Variants in CCDC60 observed in about 807,000 individuals in gnomAD.
CCDC60 encodes coiled-coil domain-containing protein 60.
CCDC60 carries 54 observed loss-of-function variants against 63.5 expected under a neutral mutation model. That is an observed-to-expected ratio of 0.85 (90% CI 0.68 to 1.07). CCDC60 has a LOEUF of 1.07. Ranked by LOEUF, CCDC60 falls within the 50% of genes least tolerant of loss-of-function variation. The pLI, the probability that CCDC60 is intolerant of heterozygous loss-of-function variation, is 0.00. For missense variants in CCDC60, 651 were observed against 684.3 expected (o/e 0.95, Z 0.54); for synonymous variants, 206 against 238.8 (o/e 0.86, Z 1.27).
At chr12:119,364,267 T>G (rs1362928340) in intron 1 of CCDC60, among the ~76,000 whole-genome samples, 1 of 152,114 alleles carries the variant, frequency 6.6e-6, no homozygotes, top group African/African-American at 2.4e-5. Flanking sequence ...AAGTCTACAG[T>G]TCAATGAGAT....
intron 1 of CCDC60, among the ~76,000 whole-genome samples, chr12:119,365,864 A>G (rs1955835372): frequency 6.6e-6 from 1 of 152,186 alleles, no homozygotes; most frequent in South Asian, 2.1e-4. Context: ...CAGCCTATGG[A>G]GATCAGGACA....
intron 11 of CCDC60, chr12:119,524,495 C>T: frequency 2.1e-6 from 2 of 964,946 alleles, no homozygotes; most frequent in South Asian, 9.6e-5. Flanking sequence ...CACTAATGGG[C>T]TGAATGCTCT....
rs1281628767 is a variant in CCDC60, at chr12:119,407,141, G to A, written c.91-21542G>A. ...GGCATGAATGTCCCATCCAGGTGGGGTGTGTGTACGTAAATGGAGCATAAC... is the reference window on the plus strand; with the variant it reads ...GGCATGAATGTCCCATCCAGGTGGGATGTGTGTACGTAAATGGAGCATAAC... On this transcript the variant is annotated intron_variant, in intron 1 of 13. Coordinates refer to ENST00000327554, the MANE Select transcript of CCDC60 (RefSeq NM_178499.5). 3.3e-5 allele frequency among the ~76,000 whole-genome samples: 5 copies of A among 152,118 alleles called. No homozygotes were observed. In the East Asian group the frequency reaches 9.6e-4, roughly 29 times the overall value.
chr12:119,525,984 T>C (rs1197852739), intron 11 of CCDC60, among the ~76,000 whole-genome samples: 1 of 152,014 alleles, frequency 6.6e-6, no homozygotes, highest in African/African-American at 2.4e-5. Flanking sequence ...AGAACAAAAC[T>C]GGAGGAATCA....
chr12:119,526,045 T>G (rs777964932), intron 11 of CCDC60, among the ~76,000 whole-genome samples: 4 of 152,152 alleles, frequency 2.6e-5, no homozygotes, highest in Non-Finnish European at 5.9e-5. Flanking sequence ...CAAAACAGCA[T>G]GATACTGGTA....
At chr12:119,432,936 T>C (rs1950256547) in intron 2 of CCDC60, among the ~76,000 whole-genome samples, 1 of 152,230 alleles carries the variant, frequency 6.6e-6, no homozygotes, top group Non-Finnish European at 1.5e-5. Context: ...TTTATACAGT[T>C]TGCTAATCTC....
chr12:119,454,846 G>A (rs535544653), intron 2 of CCDC60, among the ~76,000 whole-genome samples: 11 of 152,230 alleles, frequency 7.2e-5, no homozygotes, highest in Admixed American at 5.2e-4. Flanking sequence ...CAGCTTCCTG[G>A]TCATCCAGTA....
intron 1 of CCDC60, among the ~76,000 whole-genome samples, chr12:119,411,360 C>A (rs1956596719): frequency 6.6e-6 from 1 of 151,990 alleles, no homozygotes; most frequent in South Asian, 2.1e-4. Context: ...TTATGGCTTG[C>A]TTTGGGAGAG....
chr12:119,403,824 T>C (rs1190813590), intron 1 of CCDC60, among the ~76,000 whole-genome samples: 1 of 152,162 alleles, frequency 6.6e-6, no homozygotes, highest in African/African-American at 2.4e-5. Flanking sequence ...CTCCTTCCTC[T>C]TCTTTTATTT....
At position 119,500,083 on chromosome 12, in the gene CCDC60, C is replaced by A. The variant is rs369442968; in HGVS notation, c.563C>A (p.Pro188Gln). 1.2e-5 allele frequency: 20 copies of A among 1,610,546 alleles called. No homozygotes were observed. Among genetic ancestry groups the A allele is most frequent in the Non-Finnish European group, 1.7e-5 (20 of 1,177,254 alleles). ...PVITCWNPKD[P>Q]GGSKSTIKKI... ...TTAAGCTGTTTCTCACTCAGGGACC[C>A]GGGTGGAAGCAAGAGCACCATTAAA... Residue 188 changes from proline (P) to glutamine (Q), a missense_variant, in exon 6 of 14, where the codon CCG (proline) becomes CAG (glutamine). Pro to Gln is a moderately conservative substitution (Grantham distance 76, BLOSUM62 -1). Transcript: ENST00000327554.
At chr12:119,398,229 G>A (rs542212414) in intron 1 of CCDC60, among the ~76,000 whole-genome samples, 61 of 151,782 alleles carry the variant, frequency 4.0e-4, no homozygotes, top group African/African-American at 7.5e-4. Flanking sequence ...AGTGCGGTGC[G>A]GGCAGGCCGG....
chr12:119,536,173 C>A (rs1953000353), intron 13 of CCDC60, among the ~76,000 whole-genome samples: 1 of 152,184 alleles, frequency 6.6e-6, no homozygotes, highest in Admixed American at 6.5e-5. Flanking sequence ...TATGTAATGG[C>A]CTTCTTTGTC....
At chr12:119,477,295 G>C (rs1951196504) in intron 3 of CCDC60, among the ~76,000 whole-genome samples, 1 of 152,178 alleles carries the variant, frequency 6.6e-6, no homozygotes, top group South Asian at 2.1e-4. Flanking sequence ...AATGAACATA[G>C]ACCTACCTCT....
At chr12:119,480,741 C>CA (rs1951289482) in intron 4 of CCDC60, among the ~76,000 whole-genome samples, 1 of 150,846 alleles carries the variant, frequency 6.6e-6, no homozygotes, top group African/African-American at 2.4e-5. Context: ...CCATCATCAT[C>CA]ACCATCATCC....
intron 2 of CCDC60, among the ~76,000 whole-genome samples, chr12:119,441,576 C>T (rs767131766): frequency 1.3e-5 from 2 of 152,214 alleles, no homozygotes; most frequent in Non-Finnish European, 2.9e-5. Context: ...AAGAAAATCA[C>T]TCTCCTGACT....
intron 1 of CCDC60, among the ~76,000 whole-genome samples, chr12:119,355,447 C>A (rs1395595999): frequency 6.6e-6 from 1 of 152,240 alleles, no homozygotes; most frequent in Non-Finnish European, 1.5e-5. Flanking sequence ...GCAGCAGATT[C>A]ATCAGAGCAG....
At chr12:119,426,430 A>G (rs1956903016) in intron 1 of CCDC60, among the ~76,000 whole-genome samples, 1 of 151,902 alleles carries the variant, frequency 6.6e-6, no homozygotes. Context: ...ATCTCAGGTG[A>G]CAGCAGCCTT....
intron 7 of CCDC60, among the ~76,000 whole-genome samples, chr12:119,515,035 A>G (rs79231750): frequency 0.018 from 2,794 of 152,296 alleles, 78 homozygotes; most frequent in African/African-American, 0.062. Context: ...GGTGTATAGT[A>G]AGCTATGCCC....
intron 13 of CCDC60, 74 bp downstream of exon 13, chr12:119,531,137 G>C: frequency 7.6e-7 from 1 of 1,319,944 alleles, no homozygotes; most frequent in Non-Finnish European, 1.1e-6. Context: ...TTCAGGCACT[G>C]TTTAAGTGCT....
Sources: allele counts gnomAD v4.1 joint callset (sites outside exome capture counted in the v4.1 genomes callset), GRCh38; gene constraint gnomAD v4.1.1; transcripts MANE v1.5; gene names NCBI Gene and HGNC (gene_info 2026-07-23, HGNC 2026-07-21).